BSG: variants seen among roughly 807,000 people sequenced by gnomAD.
BSG encodes the protein basigin (Ok blood group), also known as basigin.
A neutral mutation model predicts 43.1 loss-of-function variants in BSG; 37 were observed. That is an observed-to-expected ratio of 0.86 (90% CI 0.66 to 1.13). BSG has a LOEUF of 1.13. BSG is among the 50% of genes most tolerant of loss of function. BSG has a pLI of 0.00. For missense variants in BSG, 599 were observed against 554.2 expected (o/e 1.08, Z -0.81); for synonymous variants, 309 against 238.7 (o/e 1.29, Z -2.72).
intron 1 of BSG, among the ~76,000 whole-genome samples, chr19:575,704 G>A (rs1324733354): frequency 1.3e-5 from 2 of 152,146 alleles, no homozygotes; most frequent in African/African-American, 4.8e-5. Context: ...CCCTGGGCAA[G>A]GAGGCGGAGG....
At position 580,392 on chromosome 19, in the gene BSG, G is replaced by A. The variant is rs774217472; in HGVS notation, c.586G>A (p.Asp196Asn). ...CTGTGGTTGCAGGGTGGACTCCGAC[G>A]ACCAGTGGGGAGAGTACTCCTGCGT... ...QKTEFKVDSD[D>N]QWGEYSCVFL... The change falls in exon 4 of 9, where the codon GAC (aspartate) becomes AAC (asparagine). Residue 196 changes from aspartate (D) to asparagine (N), a missense_variant. Coordinates refer to ENST00000333511, the MANE Select transcript of BSG (RefSeq NM_001728.4). The A allele has an allele frequency of 7.4e-6, 12 of 1,610,976 alleles. 1 individual carries two copies. The highest frequency in any genetic ancestry group is 1.7e-4 in the Middle Eastern group (1 of 6,054).
In BSG at chr19:574,422, G is replaced by A. The variant is rs372445442; in HGVS notation, c.67+1721G>A. Among the ~76,000 whole-genome samples the A allele has an allele frequency of 3.9e-5, 6 of 152,254 alleles. No individual in the cohort carries two copies. The East Asian group carries it at 5.8e-4, about 15-fold the overall frequency. ...CAAAAAATTAGCCTGGCGTGGTGGC[G>A]GGCGCCTGTAGTCCCAGCTGCTAGG... On this transcript the variant is annotated intron_variant, in intron 1 of 8. Coordinates refer to ENST00000333511, the MANE Select transcript of BSG (RefSeq NM_001728.4).
chr19:581,873 T>G (rs1982357756), intron 6 of BSG, among the ~76,000 whole-genome samples: 1 of 152,246 alleles, frequency 6.6e-6, no homozygotes, highest in Non-Finnish European at 1.5e-5. Flanking sequence ...GCCAGTGTCC[T>G]CCGTGGTGAG....
intron 2 of BSG, 100 bp downstream of exon 2, chr19:578,221 C>G (rs1260237303): frequency 1.6e-6 from 2 of 1,222,296 alleles, no homozygotes; most frequent in Non-Finnish European, 2.2e-6. Flanking sequence ...CTCCTCCCCT[C>G]TCCGTCCCGC....
chr19:573,863 A>G (rs1981515166), intron 1 of BSG, among the ~76,000 whole-genome samples: 1 of 152,146 alleles, frequency 6.6e-6, no homozygotes, highest in South Asian at 2.1e-4. Flanking sequence ...TGGGAAATGG[A>G]TTGAGGTGTG....
chr19:572,333 G>A (rs1981312081), upstream of BSG: 1 of 1,004,430 alleles, frequency 1.0e-6, no homozygotes, highest in African/African-American at 1.7e-5. Flanking sequence ...TTGAAAGCAG[G>A]AAGGAAGAAA....
At chr19:580,542 A>G in intron 4 of BSG, 81 bp downstream of exon 4, 1 of 1,604,002 alleles carries the variant, frequency 6.2e-7, no homozygotes, top group Non-Finnish European at 8.5e-7. Context: ...CACATCCCAG[A>G]GCCCTGGCCC....
intron 1 of BSG, 132 bp from the exon 2 acceptor site, chr19:577,642 C>T: frequency 1.4e-6 from 1 of 718,668 alleles, no homozygotes; most frequent in Non-Finnish European, 2.0e-6. Context: ...CCCCATCACT[C>T]TCCCACAAGC....
upstream of BSG, chr19:572,479 C>T: frequency 8.5e-7 from 1 of 1,175,114 alleles, no homozygotes. Context: ...TGCGCGCGTG[C>T]GCAGGCGGGG....
At chr19:578,222 T>A in intron 2 of BSG, 101 bp downstream of exon 2, 1 of 1,209,004 alleles carries the variant, frequency 8.3e-7, no homozygotes. Flanking sequence ...TCCTCCCCTC[T>A]CCGTCCCGCT....
intron 6 of BSG, among the ~76,000 whole-genome samples, 178 bp from the exon 7 acceptor site, chr19:582,128 T>C (rs1982378763): frequency 6.6e-6 from 1 of 152,032 alleles, no homozygotes; most frequent in South Asian, 2.1e-4. Context: ...AGGGCTGCCT[T>C]TCCCCACAGC....
Position 580,665 on chromosome 19 carries a change from T to G in BSG, c.675T>G (p.Ala225=). ...IQLHGPPRVK[A]VKSSEHINEG... ...TGTCAGGGCCTCCCAGAGTGAAGGC[T>G]GTGAAGTCGTCAGAACACATCAACG... Residue 225 remains alanine, a synonymous_variant, in exon 5 of 9, where the codon GCT becomes GCG. Coordinates refer to ENST00000333511, the MANE Select transcript of BSG (RefSeq NM_001728.4). 1 of 1,599,554 alleles carries G rather than the reference T, an allele frequency of 6.3e-7. No individual in the cohort carries two copies. The highest frequency in any genetic ancestry group is 8.6e-7 in the Non-Finnish European group (1 of 1,167,922).
At chr19:576,395 C>T (rs1427208688) in intron 1 of BSG, among the ~76,000 whole-genome samples, 1 of 152,240 alleles carries the variant, frequency 6.6e-6, no homozygotes, top group Non-Finnish European at 1.5e-5. Context: ...CTGCACATAG[C>T]TGCCAGTGTT....
chr19:576,447 A>G (rs1981777849), intron 1 of BSG, among the ~76,000 whole-genome samples: 1 of 152,192 alleles, frequency 6.6e-6, no homozygotes. Flanking sequence ...GTAGGTTACC[A>G]GGAGGAGATC....
rs543916508 is a variant in BSG, at chr19:578,177, G to A, written c.415+56G>A. 94 of 1,439,000 alleles carry A rather than the reference G, an allele frequency of 6.5e-5. No homozygotes were observed. The East Asian group carries it at 1.7e-3, about 27-fold the overall frequency. 89.1% of individuals were successfully genotyped at this position (1,439,000 alleles called of 1,614,324 possible). On this transcript the variant is annotated intron_variant, in intron 2 of 8. Transcript: ENST00000333511. ...CCTCAGTTTCCCTCCTGTGCCGCTC[G>A]CCTCCCGGCTCCTGCTCAGTAGAAC...
chr19:583,028 G>A lies in BSG; in HGVS notation c.*284G>A, dbSNP rs972604688. 14 of 189,228 alleles carry A rather than the reference G, an allele frequency of 7.4e-5. No homozygotes were observed. The highest frequency in any genetic ancestry group is 2.7e-4 in the Admixed American group (5 of 18,594). 11.7% of individuals were successfully genotyped at this position (189,228 alleles called of 1,614,324 possible). A position where few individuals can be genotyped will look rare whatever the true frequency, so the allele number is the denominator to read the frequency against. On this transcript the variant is annotated 3_prime_UTR_variant, in exon 9 of 9. Transcript: ENST00000333511. ...GGGTCTGAGTCATGGCCGGGTGGGCGGCACAGCCTTCTCCACTGGCCGGAG... is the reference window on the plus strand; with the variant it reads ...GGGTCTGAGTCATGGCCGGGTGGGCAGCACAGCCTTCTCCACTGGCCGGAG...
At chr19:580,571 A>G (rs1982200013) in intron 4 of BSG, 75 bp from the exon 5 acceptor site, 3 of 1,605,292 alleles carry the variant, frequency 1.9e-6, no homozygotes, top group South Asian at 1.1e-5. Context: ...CTGGAGGGGA[A>G]CAGCCCTCCT....
chr19:575,554 C>G (rs1015851083), intron 1 of BSG, among the ~76,000 whole-genome samples: 20 of 132,104 alleles, frequency 1.5e-4, no homozygotes, highest in African/African-American at 5.4e-4. Context: ...GGGAGGTGCC[C>G]GAGGCTGCTT....
chr19:582,335 G>A lies in BSG; in HGVS notation c.1094+5G>A. On this transcript the variant is annotated splice_donor_5th_base_variant and intron_variant, in intron 7 of 8. Transcript: ENST00000333511. The stretch of plus-strand genomic sequence containing the variant: ...CGACGCCGGCTCTGCACCCCTGTAA[G>A]TTCCAGCTGTGGGGGTCGGGGGTCC... 2 of 1,596,922 alleles carry A rather than the reference G, an allele frequency of 1.3e-6. No homozygotes were observed. Among genetic ancestry groups the A allele is most frequent in the South Asian group, 1.1e-5 (1 of 88,576 alleles).
Sources: gnomAD v4.1 joint callset for allele counts (sites outside exome capture counted in the v4.1 genomes callset) on GRCh38, gnomAD v4.1.1 for gene constraint, MANE v1.5 for transcripts, NCBI Gene and HGNC (gene_info 2026-07-23, HGNC 2026-07-21) for gene names.